The following SPCS2 variants were observed in gnomAD, a reference collection of about 807,000 sequenced individuals.
SPCS2 encodes the protein signal peptidase complex subunit 2.
SPCS2 carries 3 observed loss-of-function variants against 22.3 expected under a neutral mutation model. That is an observed-to-expected ratio of 0.13 (90% CI 0.06 to 0.35). The LOEUF (loss-of-function observed/expected upper bound fraction) is 0.35. Among genes scored for constraint, SPCS2 ranks in the 10% least tolerant of loss-of-function variants. The probability of loss-of-function intolerance (pLI) is 1.00; values close to 1 mark genes in which losing one functional copy is unlikely to be tolerated. For missense variants in SPCS2, 169 were observed against 280.9 expected (o/e 0.60, Z 2.85); for synonymous variants, 67 against 97.2 (o/e 0.69, Z 1.83).
At position 74,977,004 on chromosome 11, in the gene SPCS2, G is replaced by T; in HGVS notation, c.642G>T (p.Arg214Ser). 1 of 1,562,342 alleles carries T rather than the reference G, an allele frequency of 6.4e-7. No individual in the cohort carries two copies. Among genetic ancestry groups the T allele is most frequent in the Non-Finnish European group, 8.7e-7 (1 of 1,148,998 alleles). ...VMDAYEPEIS[R>S]LHDSLAIERK... is the part of the protein sequence containing the mutation. ...ATGCATATGAGCCTGAAATATCCAG[G>T]CTCCATGACAGTCTTGCCATAGAAA... Residue 214 changes from arginine (R) to serine (S), a missense_variant, in exon 5 of 5, where the codon AGG (arginine) becomes AGT (serine). Coordinates refer to ENST00000263672, the MANE Select transcript of SPCS2 (RefSeq NM_014752.3).
At chr11:74,967,340 C>T (rs1398850191) in intron 3 of SPCS2, among the ~76,000 whole-genome samples, 1 of 152,204 alleles carries the variant, frequency 6.6e-6, no homozygotes, top group African/African-American at 2.4e-5. Flanking sequence ...AAATATCTGG[C>T]CTCCCAAGAG....
At chr11:74,967,556 C>T (rs1948554313) in intron 3 of SPCS2, among the ~76,000 whole-genome samples, 1 of 152,104 alleles carries the variant, frequency 6.6e-6, no homozygotes, top group Non-Finnish European at 1.5e-5. Flanking sequence ...TCAAGGCCAG[C>T]CTGAGCAACT....
intron 3 of SPCS2, among the ~76,000 whole-genome samples, chr11:74,966,138 A>G (rs1166363377): frequency 6.6e-6 from 1 of 152,190 alleles, no homozygotes; most frequent in Non-Finnish European, 1.5e-5. Context: ...TTTTATCGTA[A>G]TTCATTTTTG....
intron 1 of SPCS2, among the ~76,000 whole-genome samples, chr11:74,959,088 A>G (rs1948495752): frequency 6.6e-6 from 1 of 152,220 alleles, no homozygotes; most frequent in South Asian, 2.1e-4. Flanking sequence ...TACTTTCTAA[A>G]CTGGGATAAA....
chr11:74,964,647 C>A (rs566791690), intron 1 of SPCS2, among the ~76,000 whole-genome samples: 4 of 152,092 alleles, frequency 2.6e-5, no homozygotes, highest in African/African-American at 7.2e-5. Flanking sequence ...ACTCACATTT[C>A]GGTAAAATGA....
At chr11:74,959,670 T>C (rs1948500843) in intron 1 of SPCS2, among the ~76,000 whole-genome samples, 1 of 152,240 alleles carries the variant, frequency 6.6e-6, no homozygotes, top group Non-Finnish European at 1.5e-5. Context: ...CCCAAAGTGC[T>C]GAAGTTATAA....
intron 1 of SPCS2, among the ~76,000 whole-genome samples, chr11:74,954,159 G>T (rs191195225): frequency 6.8e-4 from 104 of 152,196 alleles, no homozygotes; most frequent in Non-Finnish European, 1.4e-3. Flanking sequence ...ACATTTTAAG[G>T]TTTTTGTTTT....
chr11:74,967,256 A>G (rs1251000025), intron 3 of SPCS2, among the ~76,000 whole-genome samples: 1 of 152,208 alleles, frequency 6.6e-6, no homozygotes. Context: ...TCAGAAGAAT[A>G]ATATTCCATA....
chr11:74,967,659 G>C (rs1216404139), intron 3 of SPCS2, among the ~76,000 whole-genome samples: 1 of 152,210 alleles, frequency 6.6e-6, no homozygotes, highest in Non-Finnish European at 1.5e-5. Flanking sequence ...TGAGGCACAA[G>C]AATCACTTGA....
rs895864871 is a variant in SPCS2, at chr11:74,965,150, A to G, written c.198+33A>G. ...CTTGAGGAGGGGTTGGTTAGTATCT[A>G]TACAGCTGATGGCCATCTCTCCTGG... is the stretch of plus-strand genomic sequence containing the variant. On this transcript the variant is annotated intron_variant, in intron 2 of 4. Coordinates refer to ENST00000263672, the MANE Select transcript of SPCS2 (RefSeq NM_014752.3). 25 of 1,359,980 alleles carry G rather than the reference A, an allele frequency of 1.8e-5. No individual in the cohort carries two copies. In the East Asian group the frequency reaches 3.3e-4, roughly 18 times the overall value. 84.2% of individuals were successfully genotyped at this position (1,359,980 alleles called of 1,614,324 possible).
chr11:74,959,906 T>C (rs1452274761), intron 1 of SPCS2, among the ~76,000 whole-genome samples: 3 of 152,242 alleles, frequency 2.0e-5, no homozygotes, highest in Admixed American at 6.5e-5. Context: ...TGAAGTGTCT[T>C]TGTAGAATTT....
Position 74,977,638 on chromosome 11 carries a change from A to G in SPCS2, c.*595A>G, listed in dbSNP as rs1479423911. On this transcript the variant is annotated 3_prime_UTR_variant, in exon 5 of 5. Transcript: ENST00000263672. ...GAAGCCAATGGCATTTTAGTTTTATATTGTGTTTTCCACTAGTATATCCCT... is the reference window on the plus strand; with the variant it reads ...GAAGCCAATGGCATTTTAGTTTTATGTTGTGTTTTCCACTAGTATATCCCT... 1 of 152,582 alleles carries G rather than the reference A, an allele frequency of 6.6e-6. No individual in the cohort carries two copies. Among genetic ancestry groups the G allele is most frequent in the Non-Finnish European group, 1.5e-5 (1 of 68,030 alleles). The allele number at this position is 152,582 out of a possible 1,614,324, so 9.5% of individuals were successfully genotyped here.
chr11:74,949,741 GA>G (rs1948334332), intron 1 of SPCS2: 2 of 440,190 alleles, frequency 4.5e-6, no homozygotes, highest in Admixed American at 2.5e-5. Context: ...CACAGACACG[GA>G]AAACCGAAGC....
At chr11:74,959,605 G>A (rs1565485399) in intron 1 of SPCS2, among the ~76,000 whole-genome samples, 1 of 152,170 alleles carries the variant, frequency 6.6e-6, no homozygotes, top group African/African-American at 2.4e-5. Context: ...GTCTTGCTAT[G>A]TTGCCCAGGC....
At chr11:74,964,723 T>G (rs1456503228) in intron 1 of SPCS2, among the ~76,000 whole-genome samples, 2 of 152,246 alleles carry the variant, frequency 1.3e-5, no homozygotes, top group African/African-American at 4.8e-5. Flanking sequence ...GTTCTGGGGT[T>G]GTTTTTATAT....
chr11:74,960,500 ATC>A (rs1280680362), intron 1 of SPCS2, among the ~76,000 whole-genome samples: 1 of 125,330 alleles, frequency 8.0e-6, no homozygotes, highest in Non-Finnish European at 1.8e-5. Flanking sequence ...CAAGATTAAC[ATC>A]TTTTTTTTTT....
intron 4 of SPCS2, among the ~76,000 whole-genome samples, chr11:74,972,948 C>A (rs1282692): frequency 0.45 from 67,405 of 150,216 alleles, 15,532 homozygotes; most frequent in Middle Eastern, 0.53. Context: ...ATATATCATT[C>A]TCAGTAAACT....
Position 74,949,777 on chromosome 11 carries a change from C to G in SPCS2, c.114+378C>G. The G allele has an allele frequency of 5.0e-6, 2 of 403,412 alleles. 1 individual carries two copies. The highest frequency in any genetic ancestry group is 3.6e-5 in the South Asian group (2 of 54,838). The allele number at this position is 403,412 out of a possible 1,614,324, so 25.0% of individuals were successfully genotyped here. A position where few individuals can be genotyped will look rare whatever the true frequency, so the allele number is the denominator to read the frequency against. On this transcript the variant is annotated intron_variant, in intron 1 of 4. Coordinates refer to ENST00000263672, the MANE Select transcript of SPCS2 (RefSeq NM_014752.3). ...CCCAAAGATTAAAGAATCAGTATCC[C>G]CCAAACTCTCTACCACCATCACCCT...
chr11:74,969,438 G>A lies in SPCS2; in HGVS notation c.360-127G>A, dbSNP rs546719204. ...AAAATGAAATAGCTAAATTTTCAGT[G>A]TTTTGGCAGCAAGACAAAGCTGTCT... On this transcript the variant is annotated intron_variant, in intron 3 of 4. Transcript: ENST00000263672. The A allele has an allele frequency of 1.8e-5, 15 of 856,930 alleles. No individual in the cohort carries two copies. In the East Asian group the frequency reaches 3.8e-4, roughly 21 times the overall value. 53.1% of individuals were successfully genotyped at this position (856,930 alleles called of 1,614,324 possible). A position where few individuals can be genotyped will look rare whatever the true frequency, so the allele number is the denominator to read the frequency against.
Sources: gnomAD v4.1 joint callset for allele counts (sites outside exome capture counted in the v4.1 genomes callset) on GRCh38, gnomAD v4.1.1 for gene constraint, MANE v1.5 for transcripts, NCBI Gene and HGNC (gene_info 2026-07-23, HGNC 2026-07-21) for gene names.